Variants in SV2C observed in about 807,000 individuals in gnomAD.
SV2C encodes the protein synaptic vesicle glycoprotein 2C, also known as solute carrier family 22 member B3.
SV2C carries 49 observed loss-of-function variants against 79.7 expected under a neutral mutation model. That is an observed-to-expected ratio of 0.61 (90% CI 0.49 to 0.78). The LOEUF is 0.78. Ranked by LOEUF, SV2C falls within the 30% of genes least tolerant of loss-of-function variation. The probability of loss-of-function intolerance (pLI) is 0.00; values close to 1 mark genes in which losing one functional copy is unlikely to be tolerated. For missense variants in SV2C, 833 were observed against 912.9 expected, an observed-to-expected ratio of 0.91 and a Z score of 1.13; for synonymous variants, 334 against 333.2, an observed-to-expected ratio of 1.00 and a Z score of -0.03.
Position 76,131,659 on chromosome 5 carries a change from G to A in SV2C, c.-92G>A. The stretch of plus-strand genomic sequence containing the variant: ...ATTTCTTCTTTCGCAGTTCTGTTTT[G>A]AACCCAAAGTGGATGATGCTGTCAG... On this transcript the variant is annotated 5_prime_UTR_variant, in exon 2 of 13. Coordinates refer to ENST00000502798, the MANE Select transcript of SV2C (RefSeq NM_014979.4). 8 of 1,052,742 alleles carry A rather than the reference G, an allele frequency of 7.6e-6. No individual in the cohort carries two copies. The highest frequency in any genetic ancestry group is 1.1e-5 in the Non-Finnish European group (8 of 735,228). 65.2% of individuals were successfully genotyped at this position (1,052,742 alleles called of 1,614,324 possible).
At chr5:76,267,720 T>G (rs189311646) in intron 4 of SV2C, among the ~76,000 whole-genome samples, 8 of 152,354 alleles carry the variant, frequency 5.3e-5, no homozygotes, top group Admixed American at 4.6e-4. Context: ...GGGGAAGCTC[T>G]AAAAGTGACA....
At chr5:76,011,236 T>A in the SV2C span, among the ~76,000 whole-genome samples, 3 of 152,186 alleles carry the variant, frequency 2.0e-5, no homozygotes, top group Non-Finnish European at 4.4e-5. Flanking sequence ...TTAAGTTTCA[T>A]CATTAATAGA....
intron 3 of SV2C, among the ~76,000 whole-genome samples, chr5:76,203,414 C>T (rs150338714): frequency 2.3e-3 from 353 of 152,292 alleles, no homozygotes; most frequent in African/African-American, 8.1e-3. Context: ...TCTGCATGTT[C>T]TATCATTAAT....
chr5:76,049,587 C>T, the SV2C span, among the ~76,000 whole-genome samples: 1 of 152,096 alleles, frequency 6.6e-6, no homozygotes, highest in Non-Finnish European at 1.5e-5. Context: ...TAGGTGCCCC[C>T]AATTCTAAGG....
the SV2C span, among the ~76,000 whole-genome samples, chr5:75,853,093 A>T: frequency 6.6e-6 from 1 of 152,218 alleles, no homozygotes; most frequent in Non-Finnish European, 1.5e-5. Flanking sequence ...CAAGTTCTTA[A>T]TGCTATATGT....
chr5:76,107,666 A>G (rs1443027805), intron 1 of SV2C, among the ~76,000 whole-genome samples: 1 of 152,114 alleles, frequency 6.6e-6, no homozygotes, highest in Non-Finnish European at 1.5e-5. Context: ...GAGTTCGAGA[A>G]CAACATGGTG....
rs573869777 is a variant in SV2C at position 76,241,102 on chromosome 5, G to A, written c.913+31215G>A. Among the ~76,000 whole-genome samples, 8 of 150,970 alleles carry A rather than the reference G, an allele frequency of 5.3e-5. No individual in the cohort carries two copies. In the South Asian group the frequency reaches 6.3e-4, roughly 12 times the overall value. The stretch of plus-strand genomic sequence containing the variant: ...CTCCCGAGTAGCTGGGACTACAAGC[G>A]CACGCCACCACACCCAGCTAATTTT... On this transcript the variant is annotated intron_variant, in intron 4 of 12. Coordinates refer to ENST00000502798, the MANE Select transcript of SV2C (RefSeq NM_014979.4).
At chr5:75,863,041 G>T in the SV2C span, among the ~76,000 whole-genome samples, 1 of 152,290 alleles carries the variant, frequency 6.6e-6, no homozygotes, top group South Asian at 2.1e-4. Context: ...TGGTCAGGGA[G>T]GACCAACACC....
At chr5:75,950,401 T>C in the SV2C span, among the ~76,000 whole-genome samples, 70,303 of 151,910 alleles carry the variant, frequency 0.46, 17,215 homozygotes, top group African/African-American at 0.57. Context: ...TAGGAAGTTA[T>C]TGTCCATCTT....
intron 4 of SV2C, among the ~76,000 whole-genome samples, chr5:76,266,302 G>C (rs150927249): frequency 1.3e-5 from 2 of 152,102 alleles, no homozygotes; most frequent in African/African-American, 4.8e-5. Context: ...CCGCCTCCCA[G>C]GATCAAGGGA....
intron 2 of SV2C, among the ~76,000 whole-genome samples, chr5:76,178,613 G>A (rs1451794412): frequency 6.6e-6 from 1 of 152,090 alleles, no homozygotes; most frequent in African/African-American, 2.4e-5. Context: ...AAAACAAAAG[G>A]CATGTTCACA....
At chr5:76,025,610 A>G in the SV2C span, among the ~76,000 whole-genome samples, 2 of 152,146 alleles carry the variant, frequency 1.3e-5, no homozygotes, top group South Asian at 2.1e-4. Flanking sequence ...TTTTTATTCT[A>G]TGTATTGAGA....
intron 1 of SV2C, among the ~76,000 whole-genome samples, chr5:76,086,842 T>G (rs1747215716): frequency 6.6e-6 from 1 of 152,238 alleles, no homozygotes; most frequent in South Asian, 2.1e-4. Flanking sequence ...AATGGGATAC[T>G]AAAACACAAT....
At chr5:75,983,388 C>G in the SV2C span, among the ~76,000 whole-genome samples, 1 of 152,104 alleles carries the variant, frequency 6.6e-6, no homozygotes, top group East Asian at 1.9e-4. Context: ...AAAATGACAT[C>G]AAAAGCTGCA....
At chr5:76,214,899 T>G (rs577627283) in intron 4 of SV2C, among the ~76,000 whole-genome samples, 150 of 152,350 alleles carry the variant, frequency 9.8e-4, no homozygotes, top group African/African-American at 3.5e-3. Flanking sequence ...ACTCATGTAT[T>G]CTAACATTTT....
chr5:76,185,791 C>T (rs7443575), intron 2 of SV2C, among the ~76,000 whole-genome samples: 8 of 151,788 alleles, frequency 5.3e-5, no homozygotes, highest in South Asian at 2.1e-4. Context: ...GACATTTTCC[C>T]CATTGTCCTG....
chr5:75,942,999 T>C, the SV2C span, among the ~76,000 whole-genome samples: 1 of 152,110 alleles, frequency 6.6e-6, no homozygotes, highest in South Asian at 2.1e-4. Context: ...CCCTATCTCA[T>C]TAAAACAAAA....
chr5:75,944,952 A>T, the SV2C span, among the ~76,000 whole-genome samples: 2 of 152,112 alleles, frequency 1.3e-5, no homozygotes, highest in Non-Finnish European at 2.9e-5. Context: ...TTGCTCAAAG[A>T]CTGTGAGGAG....
At chr5:76,258,415 A>C (rs535948693) in intron 4 of SV2C, among the ~76,000 whole-genome samples, 68 of 152,128 alleles carry the variant, frequency 4.5e-4, no homozygotes, top group Non-Finnish European at 7.5e-4. Flanking sequence ...TTCAGGAGCT[A>C]TCTTAGTTGG....
Sources: allele counts gnomAD v4.1 joint callset (sites outside exome capture counted in the v4.1 genomes callset), GRCh38; gene constraint gnomAD v4.1.1; transcripts MANE v1.5; gene names NCBI Gene and HGNC (gene_info 2026-07-23, HGNC 2026-07-21).